Variants in IQCE observed in about 807,000 individuals in gnomAD.
The protein encoded by IQCE is IQ motif containing E.
In IQCE, 115 loss-of-function variants were observed where a neutral mutation model predicts 96.0. That is an observed-to-expected ratio of 1.20 (90% CI 1.03 to 1.40). The LOEUF (loss-of-function observed/expected upper bound fraction) is 1.40, where lower values mean the gene tolerates loss of function less well. IQCE is among the 40% of genes most tolerant of loss of function. The pLI is 0.00. For synonymous variants in IQCE, 412 were observed against 371.2 expected (o/e 1.11, Z -1.26); for missense variants, 1,041 against 909.1 (o/e 1.15, Z -1.87).
intron 6 of IQCE, among the ~76,000 whole-genome samples, chr7:2,574,280 T>C (rs1401084072): frequency 6.6e-6 from 1 of 152,230 alleles, no homozygotes; most frequent in Non-Finnish European, 1.5e-5. Flanking sequence ...CAGAGGGCAA[T>C]AGGGCATTGG....
In IQCE at chr7:2,612,433, G is replaced by A. The variant is rs62439504; in HGVS notation, c.*2271G>A. On this transcript the variant is annotated 3_prime_UTR_variant, in exon 22 of 22. Transcript: ENST00000402050. ...TTGTTCCATGGAGACAGTACCAAGC[G>A]GAGAGGCCTCCTTGCCCACGGCCCC... 9.0e-3 allele frequency: 1,373 copies of A among 152,502 alleles called. 11 individuals are homozygous for A. Among genetic ancestry groups the A allele is most frequent in the Non-Finnish European group, 0.014 (943 of 68,164 alleles). 9.4% of individuals were successfully genotyped at this position (152,502 alleles called of 1,614,324 possible). A position where few individuals can be genotyped will look rare whatever the true frequency, so the allele number is the denominator to read the frequency against.
At chr7:2,595,079 G>C (rs570605744) in intron 16 of IQCE, 103 bp downstream of exon 16, 21 of 782,488 alleles carry the variant, frequency 2.7e-5, no homozygotes, top group African/African-American at 2.5e-4. Context: ...ACCAGCCACT[G>C]AAAATCCCAC....
chr7:2,560,880 C>G (rs1393969027), intron 1 of IQCE, among the ~76,000 whole-genome samples: 1 of 149,362 alleles, frequency 6.7e-6, no homozygotes, highest in Non-Finnish European at 1.5e-5. Context: ...TGGCGTGAAC[C>G]CAGGAGGTGG....
In IQCE at chr7:2,613,964, T is replaced by C. The variant is rs1785200979; in HGVS notation, c.*3802T>C. 6.6e-6 allele frequency: 1 copy of C among 152,202 alleles called. No individual in the cohort carries two copies. The allele number at this position is 152,202 out of a possible 1,614,324, so 9.4% of individuals were successfully genotyped here. On this transcript the variant is annotated 3_prime_UTR_variant, in exon 22 of 22. Transcript: ENST00000402050. The stretch of plus-strand genomic sequence containing the variant: ...GTGTTGGACAAAGTAGCTTTTTCTT[T>C]GCTCGTTTGTCTGTGTATTAAGAAG...
chr7:2,575,224 G>A (rs568207286), intron 6 of IQCE, among the ~76,000 whole-genome samples: 34 of 152,294 alleles, frequency 2.2e-4, no homozygotes, highest in Non-Finnish European at 4.0e-4. Flanking sequence ...CTCCTTTCAC[G>A]CTGCCCTGTA....
intron 9 of IQCE, 74 bp from the exon 10 acceptor site, chr7:2,583,562 TG>T: frequency 8.6e-7 from 1 of 1,157,094 alleles, no homozygotes; most frequent in Non-Finnish European, 1.2e-6. Flanking sequence ...CTGAACGTTC[TG>T]GGAAACTCTT....
intron 11 of IQCE, among the ~76,000 whole-genome samples, chr7:2,585,006 C>T (rs540167132): frequency 1.3e-5 from 2 of 151,942 alleles, no homozygotes; most frequent in South Asian, 2.1e-4. Context: ...AACCACTGCT[C>T]CAATGGGAGG....
intron 17 of IQCE, among the ~76,000 whole-genome samples, chr7:2,598,948 C>T (rs1273831179): frequency 5.3e-5 from 8 of 152,248 alleles, no homozygotes; most frequent in Non-Finnish European, 2.9e-5. Flanking sequence ...TACCTGACCA[C>T]AGCACCGTGA....
intron 17 of IQCE, among the ~76,000 whole-genome samples, chr7:2,599,472 A>C (rs1414877927): frequency 6.6e-6 from 1 of 152,184 alleles, no homozygotes; most frequent in African/African-American, 2.4e-5. Flanking sequence ...CCAGGATTAC[A>C]GGCATGAGCT....
rs1785058999 is a variant in IQCE, at chr7:2,610,513, G to A, written c.*351G>A. ...CGCCTGCCCACGACCTTGACCGTGA[G>A]GAGCTGCTATCCGCAACCAGCGCCG... On this transcript the variant is annotated 3_prime_UTR_variant, in exon 22 of 22. Coordinates refer to ENST00000402050, the MANE Select transcript of IQCE (RefSeq NM_152558.5). The A allele has an allele frequency of 9.2e-6, 2 of 217,900 alleles. No homozygotes were observed. The highest frequency in any genetic ancestry group is 1.4e-4 in the East Asian group (1 of 7,208). The allele number at this position is 217,900 out of a possible 1,614,324, so 13.5% of individuals were successfully genotyped here.
chr7:2,584,327 C>T (rs1443694223), intron 11 of IQCE, 42 bp downstream of exon 11: 1 of 1,590,458 alleles, frequency 6.3e-7, no homozygotes, highest in Admixed American at 1.7e-5. Context: ...GTGTTGCCTT[C>T]ACGTTGTGGA....
chr7:2,593,766 G>A (rs777501342), intron 15 of IQCE, among the ~76,000 whole-genome samples: 2 of 152,248 alleles, frequency 1.3e-5, no homozygotes, highest in Non-Finnish European at 2.9e-5. Flanking sequence ...TTTCTGGGGC[G>A]ATGTAAACGT....
In IQCE at chr7:2,604,827, C is replaced by T. The variant is rs182944101; in HGVS notation, c.1633-54C>T. 2.2e-3 allele frequency: 2,999 copies of T among 1,339,822 alleles called. 10 individuals are homozygous for T. The highest frequency in any genetic ancestry group is 2.5e-3 in the Non-Finnish European group (2,353 of 939,096). The allele number at this position is 1,339,822 out of a possible 1,614,324, so 83.0% of individuals were successfully genotyped here. ...TCCTCGGCGCCTCCCTCTCGCCCGC[C>T]GTTGCCCCGGGCACTCACACCCACT... On this transcript the variant is annotated intron_variant, in intron 18 of 21. Coordinates refer to ENST00000402050, the MANE Select transcript of IQCE (RefSeq NM_152558.5).
At chr7:2,604,221 C>G (rs1272604236) in intron 18 of IQCE, among the ~76,000 whole-genome samples, 1 of 152,096 alleles carries the variant, frequency 6.6e-6, no homozygotes, top group Non-Finnish European at 1.5e-5. Flanking sequence ...CTCCTGGGCT[C>G]AATGGATCTT....
rs752514546 is a variant in IQCE at position 2,578,231 on chromosome 7, G to A, written c.466-11G>A. On this transcript the variant is annotated splice_polypyrimidine_tract_variant and intron_variant, in intron 6 of 21. Coordinates refer to ENST00000402050, the MANE Select transcript of IQCE (RefSeq NM_152558.5). ...GTGTGGATGGCTGTGCATGGCCCTT[G>A]TTTTCTTCAGTCATTGCACGTGCAG... 6.2e-7 allele frequency: 1 copy of A among 1,606,548 alleles called. No individual in the cohort carries two copies. Among genetic ancestry groups the A allele is most frequent in the South Asian group, 1.1e-5 (1 of 90,952 alleles).
At chr7:2,577,329 T>G (rs1479797964) in intron 6 of IQCE, among the ~76,000 whole-genome samples, 1 of 141,830 alleles carries the variant, frequency 7.1e-6, no homozygotes, top group Non-Finnish European at 1.5e-5. Flanking sequence ...GTGCGGCGTA[T>G]ACACATTGGC....
chr7:2,569,547 G>A (rs922865806), intron 3 of IQCE, among the ~76,000 whole-genome samples: 6 of 152,108 alleles, frequency 3.9e-5, no homozygotes, highest in East Asian at 1.9e-4. Context: ...GGAGGGTGCC[G>A]CGGAGGTGGG....
rs376880937 is a variant in IQCE at position 2,582,687 on chromosome 7, C to T, written c.701+37C>T. 39 of 1,585,612 alleles carry T rather than the reference C, an allele frequency of 2.5e-5. No individual in the cohort carries two copies. In the African/African-American group the frequency reaches 3.8e-4, roughly 15 times the overall value. ...GCTGCACCCTCTCCCCTGCCTTCCG[C>T]CCCGTGTTCTGCTTGCTCAGACGCC... On this transcript the variant is annotated intron_variant, in intron 9 of 21. Coordinates refer to ENST00000402050, the MANE Select transcript of IQCE (RefSeq NM_152558.5).
intron 1 of IQCE, chr7:2,566,595 G>T (rs1781395272): frequency 6.2e-6 from 1 of 161,754 alleles, no homozygotes. Context: ...GAGTAGCTGG[G>T]ACTACAGGTG....
Sources: allele counts gnomAD v4.1 joint callset (sites outside exome capture counted in the v4.1 genomes callset), GRCh38; gene constraint gnomAD v4.1.1; transcripts MANE v1.5; gene names NCBI Gene and HGNC (gene_info 2026-07-23, HGNC 2026-07-21).